Variants in DPF2 observed in about 807,000 individuals in gnomAD.
DPF2 encodes double PHD fingers 2.
DPF2 carries 10 observed loss-of-function variants against 59.6 expected under a neutral mutation model. The ratio of observed to expected loss-of-function variants is 0.17; its 90% confidence interval spans 0.10 to 0.28. The LOEUF (loss-of-function observed/expected upper bound fraction) is 0.28. Among genes scored for constraint, DPF2 ranks in the 10% least tolerant of loss-of-function variants. The probability of loss-of-function intolerance (pLI) is 1.00; values close to 1 mark genes in which losing one functional copy is unlikely to be tolerated. For missense variants in DPF2, 315 were observed against 509.4 expected (o/e 0.62, Z 3.67); for synonymous variants, 189 against 190.6 (o/e 0.99, Z 0.07).
At chr11:65,343,909 A>G (rs1854453066) in intron 5 of DPF2, 72 bp downstream of exon 5, 4 of 1,602,888 alleles carry the variant, frequency 2.5e-6, no homozygotes, top group Non-Finnish European at 3.4e-6. Flanking sequence ...ATTTCAAGTG[A>G]GATTAGCGGC....
chr11:65,341,733 C>T, intron 4 of DPF2, 171 bp downstream of exon 4: 1 of 804,076 alleles, frequency 1.2e-6, no homozygotes, highest in Non-Finnish European at 1.9e-6. Context: ...ACTGGCTTCT[C>T]TGTTGCTTCT....
intron 4 of DPF2, chr11:65,343,393 A>G: frequency 3.9e-6 from 1 of 255,556 alleles, no homozygotes; most frequent in Non-Finnish European, 7.5e-6. Flanking sequence ...TCAGGACAGA[A>G]CCACCAATAA....
chr11:65,352,291 CAG>C lies in DPF2; in HGVS notation c.*535_*536del, dbSNP rs148363068. The C allele has an allele frequency of 1.0e-2, 1,584 of 158,844 alleles. 31 individuals carry two copies. Among genetic ancestry groups the C allele is most frequent in the African/African-American group, 0.036 (1,511 of 41,640 alleles). The allele number at this position is 158,844 out of a possible 1,614,324, so 9.8% of individuals were successfully genotyped here. On this transcript the variant is annotated 3_prime_UTR_variant, in exon 11 of 11. Transcript: ENST00000528416. ...TCTCTGCGGCCCTGTGTTCCTGCTA[CAG>C]AGTGTTCTTTTCTGGAGTCAGGATG...
chr11:65,351,083 T>G (rs1470924904), intron 10 of DPF2, among the ~76,000 whole-genome samples: 1 of 152,086 alleles, frequency 6.6e-6, no homozygotes, highest in African/African-American at 2.4e-5. Flanking sequence ...CAGAAAACTT[T>G]GCCAACCGTA....
intron 10 of DPF2, among the ~76,000 whole-genome samples, chr11:65,351,197 C>T (rs544531549): frequency 1.0e-3 from 158 of 152,120 alleles, no homozygotes; most frequent in Non-Finnish European, 1.9e-3. Context: ...TATAATTTTG[C>T]TTATCATTTC....
intron 4 of DPF2, 157 bp downstream of exon 4, chr11:65,341,719 A>AC: frequency 1.0e-6 from 1 of 976,998 alleles, no homozygotes; most frequent in Non-Finnish European, 1.5e-6. Flanking sequence ...ATTGTCAGGT[A>AC]CTGACTGGCT....
At chr11:65,341,671 A>C in intron 4 of DPF2, 109 bp downstream of exon 4, 3 of 1,458,386 alleles carry the variant, frequency 2.1e-6, no homozygotes, top group Middle Eastern at 2.1e-4. Context: ...TCCAGGAAGC[A>C]GGCCCCTGCA....
At chr11:65,337,504 T>TGGG (rs1555029213) in intron 1 of DPF2, among the ~76,000 whole-genome samples, 1 of 21,398 alleles carries the variant, frequency 4.7e-5, no homozygotes, top group Non-Finnish European at 8.1e-5. Context: ...TATATATATA[T>TGGG]AGAGAGAGAG....
intron 1 of DPF2, 105 bp downstream of exon 1, chr11:65,334,023 G>C: frequency 1.3e-6 from 2 of 1,509,338 alleles, no homozygotes; most frequent in Non-Finnish European, 1.8e-6. Context: ...ACATCCCCGG[G>C]AAAGCCATGT....
intron 1 of DPF2, among the ~76,000 whole-genome samples, chr11:65,335,500 G>C (rs565947135): frequency 1.7e-4 from 26 of 152,268 alleles, no homozygotes; most frequent in African/African-American, 6.0e-4. Context: ...CATAAGTGAG[G>C]GGTTGCCCAT....
intron 10 of DPF2, 46 bp from the exon 11 acceptor site, chr11:65,351,637 G>T: frequency 1.3e-6 from 2 of 1,543,810 alleles, no homozygotes; most frequent in South Asian, 2.2e-5. Flanking sequence ...GCAAGCAGGT[G>T]GGGATTGTGT....
At chr11:65,348,611 GAAAA>G (rs56032535) in intron 9 of DPF2, 642 of 239,046 alleles carry the variant, frequency 2.7e-3, no homozygotes, top group South Asian at 3.8e-3. Flanking sequence ...GGGCTTTAGG[GAAAA>G]AAAAAAAAAA....
At chr11:65,343,346 A>C (rs1046404818) in intron 4 of DPF2, among the ~76,000 whole-genome samples, 9 of 151,826 alleles carry the variant, frequency 5.9e-5, no homozygotes, top group African/African-American at 1.2e-4. Context: ...TCACACAAAT[A>C]AGCAACAACA....
intron 2 of DPF2, 135 bp from the exon 3 acceptor site, chr11:65,340,831 A>AC (rs1854345489): frequency 1.1e-6 from 1 of 914,012 alleles, no homozygotes; most frequent in South Asian, 1.7e-5. Flanking sequence ...ATTCCACCTA[A>AC]CCCCCTAGGC....
At chr11:65,341,266 G>A (rs1854362611) in intron 3 of DPF2, 133 bp from the exon 4 acceptor site, 1 of 1,359,148 alleles carries the variant, frequency 7.4e-7, no homozygotes, top group Admixed American at 2.2e-5. Flanking sequence ...AGTGAACTAG[G>A]GTGTCTTAAT....
intron 1 of DPF2, among the ~76,000 whole-genome samples, chr11:65,338,980 A>T (rs967405462): frequency 6.6e-6 from 1 of 152,184 alleles, no homozygotes; most frequent in Non-Finnish European, 1.5e-5. Context: ...ACCTGGGCTG[A>T]CTAAGTGTCC....
chr11:65,339,983 C>G (rs4647576), intron 1 of DPF2, among the ~76,000 whole-genome samples: 15,925 of 152,044 alleles, frequency 0.1, 1,516 homozygotes, highest in African/African-American at 0.26. Flanking sequence ...GGAGGTGATT[C>G]TAGGAAAGAG....
intron 9 of DPF2, 125 bp from the exon 10 acceptor site, chr11:65,348,725 C>T: frequency 1.2e-6 from 1 of 836,734 alleles, no homozygotes; most frequent in Non-Finnish European, 1.9e-6. Flanking sequence ...GCATGGTTTC[C>T]CACATAAGAT....
Position 65,341,490 on chromosome 11 carries a change from A to T in DPF2, c.393A>T (p.Arg131=), listed in dbSNP as rs200387896. The change falls in exon 4 of 11, where the codon CGA becomes CGT. Residue 131 remains arginine, a synonymous_variant. Transcript: ENST00000528416. ...TGCGCACTGACCCCCTGGAGAAGCG[A>T]GGTGCCCCGGATCCCCGAGTTGATG... ...ALLRTDPLEK[R]GAPDPRVDDD... is the part of the protein sequence containing the mutation. 6.2e-7 allele frequency: 1 copy of T among 1,614,204 alleles called. No homozygotes were observed. Among genetic ancestry groups the T allele is most frequent in the Non-Finnish European group, 8.5e-7 (1 of 1,180,034 alleles).
Sources: allele counts gnomAD v4.1 joint callset (sites outside exome capture counted in the v4.1 genomes callset), GRCh38; gene constraint gnomAD v4.1.1; transcripts MANE v1.5; gene names NCBI Gene and HGNC (gene_info 2026-07-23, HGNC 2026-07-21).